GASK1A: variants seen among roughly 807,000 people sequenced by gnomAD.
The protein encoded by GASK1A is golgi associated kinase 1A.
In GASK1A, 40 loss-of-function variants were observed where a neutral mutation model predicts 41.2. The ratio of observed to expected loss-of-function variants is 0.97; its 90% CI spans 0.75 to 1.27. The LOEUF (loss-of-function observed/expected upper bound fraction) is 1.27. GASK1A is among the 50% of genes most tolerant of loss of function. The pLI is 0.00. For synonymous variants in GASK1A, 316 were observed against 307.1 expected (o/e 1.03, Z -0.30); for missense variants, 678 against 745.1 (o/e 0.91, Z 1.05).
At chr3:43,049,138 T>C (rs545302981) in intron 2 of GASK1A, among the ~76,000 whole-genome samples, 47 of 152,264 alleles carry the variant, frequency 3.1e-4, no homozygotes, top group Non-Finnish European at 5.6e-4. Context: ...CACCAGACTG[T>C]ATCTAGCAGG....
At chr3:43,048,666 G>A (rs1265940696) in intron 2 of GASK1A, among the ~76,000 whole-genome samples, 2 of 152,202 alleles carry the variant, frequency 1.3e-5, no homozygotes, top group African/African-American at 4.8e-5. Flanking sequence ...TACACTAACT[G>A]CCATAAGTCA....
chr3:43,029,422 C>T (rs2089563782), intron 1 of GASK1A, among the ~76,000 whole-genome samples: 1 of 152,136 alleles, frequency 6.6e-6, no homozygotes, highest in Admixed American at 6.5e-5. Flanking sequence ...AGGTGCTTGA[C>T]ATGGACAGGA....
At chr3:43,020,922 G>A (rs1373227242) in intron 1 of GASK1A, among the ~76,000 whole-genome samples, 1 of 152,252 alleles carries the variant, frequency 6.6e-6, no homozygotes, top group African/African-American at 2.4e-5. Context: ...AGTAGGCAGG[G>A]AAGTAGACTG....
intron 1 of GASK1A, among the ~76,000 whole-genome samples, chr3:42,996,182 G>A (rs563366191): frequency 1.3e-4 from 20 of 152,340 alleles, no homozygotes; most frequent in African/African-American, 4.8e-4. Flanking sequence ...TCTCAGCACA[G>A]TGCCAGGATC....
intron 1 of GASK1A, among the ~76,000 whole-genome samples, chr3:42,980,837 AT>A (rs1332569434): frequency 6.6e-6 from 1 of 152,124 alleles, no homozygotes; most frequent in African/African-American, 2.4e-5. Flanking sequence ...AGGGGGAATG[AT>A]TGGGGGTACA....
Position 43,032,260 on chromosome 3 carries a change from C to G in GASK1A, c.4-7C>G. 6.6e-7 allele frequency: 1 copy of G among 1,509,314 alleles called. No individual in the cohort carries two copies. Among genetic ancestry groups the G allele is most frequent in the African/African-American group, 1.4e-5 (1 of 71,988 alleles). The allele number at this position is 1,509,314 out of a possible 1,614,324, so 93.5% of individuals were successfully genotyped here. Reference sequence around the variant, plus strand: ...TCTCAAGCTTTTCTTTCTACCCTGTCTCTCAGGCGTCTTGGCTCCGGAGAA... The same window carrying G: ...TCTCAAGCTTTTCTTTCTACCCTGTGTCTCAGGCGTCTTGGCTCCGGAGAA... On this transcript the variant is annotated splice_region_variant and splice_polypyrimidine_tract_variant and intron_variant, in intron 1 of 4. Transcript: ENST00000430121.
In GASK1A at chr3:43,053,869, G is replaced by C. The variant is rs1329814549; in HGVS notation, c.1413+226G>C. The C allele has an allele frequency of 7.8e-6, 5 of 643,934 alleles. 1 individual carries two copies. The South Asian group carries it at 7.9e-5, about 10-fold the overall frequency. 39.9% of individuals were successfully genotyped at this position (643,934 alleles called of 1,614,324 possible). A position where few individuals can be genotyped will look rare whatever the true frequency, so the allele number is the denominator to read the frequency against. ...TGCCTGAGGAGGGGTGTGGGGTGGG[G>C]GCTGGAGCCTTGTTTTCACTGTCTC... On this transcript the variant is annotated intron_variant, in intron 3 of 4. Transcript: ENST00000430121.
intron 1 of GASK1A, among the ~76,000 whole-genome samples, chr3:43,023,896 T>A (rs1019619239): frequency 1.6e-4 from 25 of 152,156 alleles, no homozygotes; most frequent in Non-Finnish European, 2.9e-4. Flanking sequence ...GATGTGTTAA[T>A]TTCCCCTGAG....
At chr3:43,026,905 AATAGGGCAT>A (rs1280150401) in intron 1 of GASK1A, among the ~76,000 whole-genome samples, 1 of 152,226 alleles carries the variant, frequency 6.6e-6, no homozygotes, top group Non-Finnish European at 1.5e-5. Flanking sequence ...TACCTTTTCT[AATAGGGCAT>A]ATTGCACGCC....
chr3:43,034,106 A>G (rs1433339202), intron 2 of GASK1A, among the ~76,000 whole-genome samples: 6 of 152,256 alleles, frequency 3.9e-5, no homozygotes, highest in African/African-American at 1.4e-4. Context: ...TTGAACATTT[A>G]TCAGCATACC....
chr3:43,041,970 G>A (rs1191325104), intron 2 of GASK1A, among the ~76,000 whole-genome samples: 1 of 152,172 alleles, frequency 6.6e-6, no homozygotes, highest in Non-Finnish European at 1.5e-5. Flanking sequence ...GCATCTCTGT[G>A]CTGGGGGCAT....
In GASK1A at chr3:42,993,208, A is replaced by G. The variant is rs149517777; in HGVS notation, c.3+13563A>G. Among the ~76,000 whole-genome samples, 458 of 152,290 alleles carry G rather than the reference A, an allele frequency of 3.0e-3. 2 individuals are homozygous for G. The highest frequency in any genetic ancestry group is 0.01 in the African/African-American group (436 of 41,566). Reference sequence around the variant, plus strand: ...CTAGGTTAAAGAAAGTTACATCTTTATTTTCACTCATCTCTAACTGGAATT... The same window carrying G: ...CTAGGTTAAAGAAAGTTACATCTTTGTTTTCACTCATCTCTAACTGGAATT... On this transcript the variant is annotated intron_variant, in intron 1 of 4. Transcript: ENST00000430121.
intron 1 of GASK1A, among the ~76,000 whole-genome samples, chr3:42,987,527 A>G (rs1158879300): frequency 1.3e-5 from 2 of 152,260 alleles, no homozygotes. Flanking sequence ...AAACCTCATC[A>G]TATCCCACAA....
At chr3:43,018,641 G>A (rs530575432) in intron 1 of GASK1A, among the ~76,000 whole-genome samples, 1 of 152,134 alleles carries the variant, frequency 6.6e-6, no homozygotes, top group East Asian at 1.9e-4. Flanking sequence ...AATAAAGGAG[G>A]ACAAGAGACA....
At chr3:43,037,203 G>T (rs1268287005) in intron 2 of GASK1A, 1 of 1,142,230 alleles carries the variant, frequency 8.8e-7, no homozygotes, top group Non-Finnish European at 1.3e-6. Flanking sequence ...AAAATCTGGG[G>T]GATCGAAGTC....
intron 1 of GASK1A, among the ~76,000 whole-genome samples, chr3:42,986,108 C>G (rs2089307979): frequency 6.6e-6 from 1 of 152,166 alleles, no homozygotes; most frequent in Non-Finnish European, 1.5e-5. Flanking sequence ...ACTGGATAAA[C>G]TGTGGTATGT....
At chr3:42,996,348 T>G (rs1383787433) in intron 1 of GASK1A, among the ~76,000 whole-genome samples, 1 of 152,182 alleles carries the variant, frequency 6.6e-6, no homozygotes, top group Non-Finnish European at 1.5e-5. Context: ...TCTCATAGTG[T>G]TTAGTAGAGT....
Position 43,019,757 on chromosome 3 carries a change from AACACACACACACAC to A in GASK1A, c.4-12491_4-12478del, listed in dbSNP as rs148054172. 4.6e-3 allele frequency among the ~76,000 whole-genome samples: 676 copies of A among 146,608 alleles called. 3 individuals are homozygous for A. Among genetic ancestry groups the A allele is most frequent in the Middle Eastern group, 0.021 (6 of 282 alleles). ...AGAGTTAGACCCAAATTCCGTTTTT[AACACACACACACAC>A]ACACACACACACACACACCCCATCA... On this transcript the variant is annotated intron_variant, in intron 1 of 4. Coordinates refer to ENST00000430121, the MANE Select transcript of GASK1A (RefSeq NM_001129908.3).
intron 2 of GASK1A, among the ~76,000 whole-genome samples, chr3:43,048,545 G>A (rs2089674276): frequency 6.6e-6 from 1 of 152,196 alleles, no homozygotes; most frequent in Admixed American, 6.5e-5. Flanking sequence ...TAAAGAGCAG[G>A]CTGCCACCAT....
Sources: allele counts gnomAD v4.1 joint callset (sites outside exome capture counted in the v4.1 genomes callset), GRCh38; gene constraint gnomAD v4.1.1; transcripts MANE v1.5; gene names NCBI Gene and HGNC (gene_info 2026-07-23, HGNC 2026-07-21).